Variants in ESYT2 observed in about 807,000 individuals in gnomAD.
The protein encoded by ESYT2 is extended synaptotagmin 2.
A neutral mutation model predicts 107.2 loss-of-function variants in ESYT2; 54 were observed. The observed-to-expected ratio is 0.50, with a 90% CI of 0.40 to 0.63. ESYT2 has a LOEUF of 0.63. ESYT2 is among the 30% of genes least tolerant of loss of function. The pLI is 0.00. For synonymous variants in ESYT2, 491 were observed against 434.1 expected, an observed-to-expected ratio of 1.13 and a Z score of -1.63; for missense variants, 1,020 against 1,094.5, an observed-to-expected ratio of 0.93 and a Z score of 0.96.
chr7:158,746,787 C>G (rs1225702032), intron 16 of ESYT2, among the ~76,000 whole-genome samples: 3 of 152,180 alleles, frequency 2.0e-5, no homozygotes, highest in Non-Finnish European at 2.9e-5. Context: ...AATCCCAGCA[C>G]TTGGGGAAGC....
intron 1 of ESYT2, among the ~76,000 whole-genome samples, chr7:158,800,560 T>C (rs749489802): frequency 2.0e-5 from 3 of 152,032 alleles, no homozygotes; most frequent in Non-Finnish European, 2.9e-5. Context: ...CTGGCTAATT[T>C]TTAAATTTTT....
intron 1 of ESYT2, among the ~76,000 whole-genome samples, 191 bp downstream of exon 1, chr7:158,828,898 C>T (rs905890): frequency 0.58 from 85,032 of 147,490 alleles, 26,297 homozygotes; most frequent in Non-Finnish European, 0.68. Flanking sequence ...CTGGGGTCTG[C>T]ACTCGCCCAG....
chr7:158,788,480 A>AT, intron 4 of ESYT2, 63 bp from the exon 5 acceptor site: 5 of 1,341,416 alleles, frequency 3.7e-6, no homozygotes, highest in Non-Finnish European at 4.2e-6. Flanking sequence ...ATCATTATAG[A>AT]CCTGCAAGAT....
At chr7:158,760,726 T>C (rs1302399545) in intron 11 of ESYT2, among the ~76,000 whole-genome samples, 1 of 152,218 alleles carries the variant, frequency 6.6e-6, no homozygotes, top group African/African-American at 2.4e-5. Flanking sequence ...AATTCATCAC[T>C]CTATACTAAT....
At chr7:158,787,968 A>T (rs1839165588) in intron 6 of ESYT2, 36 bp downstream of exon 6, 2 of 1,564,648 alleles carry the variant, frequency 1.3e-6, no homozygotes, top group Non-Finnish European at 1.8e-6. Flanking sequence ...TTTGCCACCA[A>T]ATGGGAAAAT....
At chr7:158,736,558 A>C (rs1374476954) in intron 20 of ESYT2, among the ~76,000 whole-genome samples, 3 of 152,146 alleles carry the variant, frequency 2.0e-5, no homozygotes, top group Non-Finnish European at 4.4e-5. Context: ...CTTGAGCCAG[A>C]CCACTAAAGA....
intron 1 of ESYT2, among the ~76,000 whole-genome samples, chr7:158,807,255 A>AAG (rs71200065): frequency 1.9e-3 from 2 of 1,068 alleles, no homozygotes; most frequent in African/African-American, 5.7e-3. Context: ...CGTCTGAAGG[A>AAG]AAAAAAAAAA....
chr7:158,767,695 T>C lies in ESYT2; in HGVS notation c.883A>G (p.Ser295Gly), dbSNP rs1838210445. The part of the protein sequence containing the change: ...LPNRITVPLV[S>G]EVQIAQLRFP... ...CGCAACTGAGCTATTTGAACTTCAC[T>C]GACAAGTGGAACGGTGATTCGATTG... is the stretch of plus-strand genomic sequence containing the variant. The change falls in exon 8 of 23, where the codon AGT becomes GGT. Residue 295 changes from serine (S) to glycine (G), a missense_variant. Transcript: ENST00000275418. 1.9e-6 allele frequency: 3 copies of C among 1,613,124 alleles called. No individual in the cohort carries two copies. Among genetic ancestry groups the C allele is most frequent in the Non-Finnish European group, 2.5e-6 (3 of 1,179,582 alleles).
chr7:158,828,437 G>A (rs977264052), intron 1 of ESYT2, among the ~76,000 whole-genome samples: 14 of 152,234 alleles, frequency 9.2e-5, no homozygotes, highest in African/African-American at 3.4e-4. Flanking sequence ...AGGAGGAAGC[G>A]CGCGCTCCGG....
intron 4 of ESYT2, among the ~76,000 whole-genome samples, chr7:158,791,933 T>TGTA (rs1839305174): frequency 4.7e-5 from 7 of 149,772 alleles, no homozygotes; most frequent in Non-Finnish European, 8.9e-5. Context: ...TAGAATGTTT[T>TGTA]TCTATTTATT....
chr7:158,805,995 GC>G (rs1448380900), intron 1 of ESYT2, among the ~76,000 whole-genome samples: 3 of 152,212 alleles, frequency 2.0e-5, no homozygotes, highest in African/African-American at 7.2e-5. Context: ...CACAGCTGTG[GC>G]CACCATGGGC....
At chr7:158,741,190 C>T (rs996467524) in intron 18 of ESYT2, among the ~76,000 whole-genome samples, 1 of 152,198 alleles carries the variant, frequency 6.6e-6, no homozygotes, top group Non-Finnish European at 1.5e-5. Context: ...GGCCCGCGGG[C>T]CAGCTCTGCG....
At chr7:158,791,231 A>G (rs1839280292) in intron 4 of ESYT2, among the ~76,000 whole-genome samples, 1 of 152,170 alleles carries the variant, frequency 6.6e-6, no homozygotes, top group South Asian at 2.1e-4. Context: ...TGTTTCCTTC[A>G]GCATAAGGTC....
intron 6 of ESYT2, among the ~76,000 whole-genome samples, chr7:158,776,735 T>C (rs1364617286): frequency 6.6e-6 from 1 of 152,250 alleles, no homozygotes; most frequent in African/African-American, 2.4e-5. Flanking sequence ...GCACTTTTAT[T>C]TTCCTTCGAA....
At chr7:158,784,391 G>A (rs558649707) in intron 6 of ESYT2, among the ~76,000 whole-genome samples, 2 of 152,310 alleles carry the variant, frequency 1.3e-5, no homozygotes, top group Admixed American at 6.5e-5. Context: ...TGGTCCAGGG[G>A]TCGGTATCTG....
At chr7:158,753,896 T>A (rs144952850) in intron 13 of ESYT2, among the ~76,000 whole-genome samples, 15 of 152,294 alleles carry the variant, frequency 9.8e-5, no homozygotes, top group Non-Finnish European at 1.2e-4. Context: ...TCTTCGGATA[T>A]CCTACAAACC....
chr7:158,796,780 C>T (rs72621130), intron 3 of ESYT2, among the ~76,000 whole-genome samples: 21,650 of 151,934 alleles, frequency 0.14, 2,547 homozygotes, highest in East Asian at 0.55. Context: ...GAAAAGGCAC[C>T]GCGGCGGGAG....
chr7:158,767,435 G>A (rs1838200832), intron 8 of ESYT2, among the ~76,000 whole-genome samples: 1 of 152,136 alleles, frequency 6.6e-6, no homozygotes, highest in Non-Finnish European at 1.5e-5. Flanking sequence ...TATGGGGTGA[G>A]AATCATCCTG....
chr7:158,775,387 CTGTT>C (rs57469654), intron 6 of ESYT2, among the ~76,000 whole-genome samples: 98,682 of 151,542 alleles, frequency 0.65, 34,460 homozygotes, highest in Non-Finnish European at 0.78. Context: ...GCATGCCACA[CTGTT>C]TGATAGCATT....
Sources: gnomAD v4.1 joint callset for allele counts (sites outside exome capture counted in the v4.1 genomes callset) on GRCh38, gnomAD v4.1.1 for gene constraint, MANE v1.5 for transcripts, NCBI Gene and HGNC (gene_info 2026-07-23, HGNC 2026-07-21) for gene names.